Variants in ABCG1 observed in about 807,000 individuals in gnomAD.
The protein encoded by ABCG1 is ATP-binding cassette sub-family G member 1.
Under a neutral mutation model 69.2 loss-of-function variants are expected in ABCG1, and 29 were observed. The observed-to-expected ratio is 0.42, with a 90% CI of 0.31 to 0.57. The LOEUF (loss-of-function observed/expected upper bound fraction) is 0.57. Among genes scored for constraint, ABCG1 ranks in the 20% least tolerant of loss-of-function variants. The probability of loss-of-function intolerance (pLI) is 0.15; values close to 1 mark genes in which losing one functional copy is unlikely to be tolerated. For synonymous variants in ABCG1, 370 were observed against 374.8 expected, an observed-to-expected ratio of 0.99 and a Z score of 0.15; for missense variants, 718 against 898.1, an observed-to-expected ratio of 0.80 and a Z score of 2.56.
At chr21:42,218,838 C>G (rs1376296204), upstream of ABCG1, among the ~76,000 whole-genome samples, 3 of 152,194 alleles carry the variant, frequency 2.0e-5, no homozygotes, top group Non-Finnish European at 4.4e-5. Flanking sequence ...CAGTGGATTT[C>G]CGAGCCTGGG....
At chr21:42,215,667 A>C (rs2067631931), upstream of ABCG1, among the ~76,000 whole-genome samples, 1 of 151,962 alleles carries the variant, frequency 6.6e-6, no homozygotes, top group African/African-American at 2.4e-5. Context: ...CGAGAAGGGG[A>C]AAGTGGGACA....
At chr21:42,245,148 A>G (rs1436614244) in intron 2 of ABCG1, among the ~76,000 whole-genome samples, 1 of 152,196 alleles carries the variant, frequency 6.6e-6, no homozygotes, top group Non-Finnish European at 1.5e-5. Flanking sequence ...CCTCCAGTGA[A>G]TCTAGACACC....
At chr21:42,233,893 G>A (rs1052634932) in intron 2 of ABCG1, among the ~76,000 whole-genome samples, 1 of 152,220 alleles carries the variant, frequency 6.6e-6, no homozygotes, top group Non-Finnish European at 1.5e-5. Flanking sequence ...AGGCAACTTG[G>A]TGCCTTCCAA....
At chr21:42,206,034 G>T (rs1455805255) in intron 2 of ABCG1, among the ~76,000 whole-genome samples, 1 of 151,996 alleles carries the variant, frequency 6.6e-6, no homozygotes, top group East Asian at 1.9e-4. Context: ...TCCTGTTATT[G>T]ATTTCTAATT....
chr21:42,257,127 A>T (rs576767708), intron 2 of ABCG1, among the ~76,000 whole-genome samples: 1 of 152,250 alleles, frequency 6.6e-6, no homozygotes. Flanking sequence ...GAAGAAAACA[A>T]ATTTTAAAAA....
In ABCG1 at chr21:42,254,918, G is replaced by T. The variant is rs1351302759; in HGVS notation, c.287-16152G>T. On this transcript the variant is annotated intron_variant, in intron 2 of 14. Transcript: ENST00000398449. Reference sequence around the variant, plus strand: ...ATGTTGGCATCCAAAGAAAAATCACGGCTTTGGGTGGGGAAACTGGGTCCT... The same window carrying T: ...ATGTTGGCATCCAAAGAAAAATCACTGCTTTGGGTGGGGAAACTGGGTCCT... 3.3e-5 allele frequency among the ~76,000 whole-genome samples: 5 copies of T among 152,184 alleles called. 1 individual carries two copies. Among genetic ancestry groups the T allele is most frequent in the Admixed American group, 1.3e-4 (2 of 15,282 alleles).
intron 2 of ABCG1, among the ~76,000 whole-genome samples, chr21:42,236,847 G>A (rs1042399081): frequency 1.3e-5 from 2 of 152,182 alleles, no homozygotes; most frequent in Non-Finnish European, 1.5e-5. Flanking sequence ...ACTAACATGA[G>A]AATGTACTCT....
chr21:42,282,867 A>G (rs1258546551), intron 6 of ABCG1, among the ~76,000 whole-genome samples: 1 of 152,004 alleles, frequency 6.6e-6, no homozygotes, highest in Non-Finnish European at 1.5e-5. Flanking sequence ...CTCTATACCC[A>G]CGGGCGCTCT....
intron 2 of ABCG1, among the ~76,000 whole-genome samples, chr21:42,266,277 G>T (rs2068503785): frequency 6.6e-6 from 1 of 151,598 alleles, no homozygotes; most frequent in Non-Finnish European, 1.5e-5. Flanking sequence ...CTCCAGCCTG[G>T]GTGACAGAGC....
chr21:42,264,606 A>T (rs1314752820), intron 2 of ABCG1, among the ~76,000 whole-genome samples: 1 of 152,176 alleles, frequency 6.6e-6, no homozygotes, highest in Non-Finnish European at 1.5e-5. Context: ...TAGAGATGGA[A>T]AGGTGAGGTT....
At chr21:42,292,822 CCA>C (rs1266900469) in intron 13 of ABCG1, among the ~76,000 whole-genome samples, 11 of 147,504 alleles carry the variant, frequency 7.5e-5, no homozygotes, top group Non-Finnish European at 1.3e-4. Flanking sequence ...ACAGTACACA[CCA>C]CACACACTAC....
At chr21:42,226,040 C>G in intron 2 of ABCG1, 126 bp downstream of exon 2, 1 of 1,117,720 alleles carries the variant, frequency 8.9e-7, no homozygotes, top group Non-Finnish European at 1.3e-6. Flanking sequence ...GCCGTCACTG[C>G]TGTGGTCAAT....
chr21:42,286,088 C>A, intron 8 of ABCG1, 94 bp downstream of exon 8: 1 of 819,376 alleles, frequency 1.2e-6, no homozygotes, highest in Non-Finnish European at 2.1e-6. Context: ...TCAGAAACCA[C>A]TTGACTACCA....
chr21:42,240,219 T>C (rs887645708), intron 2 of ABCG1, among the ~76,000 whole-genome samples: 3 of 152,308 alleles, frequency 2.0e-5, no homozygotes, highest in East Asian at 1.9e-4. Flanking sequence ...ACTGCTTCCA[T>C]GTTATCAGTG....
At chr21:42,231,401 C>A (rs1340507137) in intron 2 of ABCG1, among the ~76,000 whole-genome samples, 6 of 152,238 alleles carry the variant, frequency 3.9e-5, no homozygotes, top group African/African-American at 1.2e-4. Context: ...ACCCTCCAGG[C>A]TCATCCTTGC....
At chr21:42,265,861 A>C (rs1321229997) in intron 2 of ABCG1, among the ~76,000 whole-genome samples, 1 of 152,094 alleles carries the variant, frequency 6.6e-6, no homozygotes, top group African/African-American at 2.4e-5. Flanking sequence ...CCCCTTAGTG[A>C]GGCAGCCCCC....
chr21:42,212,117 C>T (rs2067595270), upstream of ABCG1, among the ~76,000 whole-genome samples: 1 of 152,100 alleles, frequency 6.6e-6, no homozygotes, highest in South Asian at 2.1e-4. Flanking sequence ...TTTGGACTTC[C>T]CAGCCTCTAG....
intron 2 of ABCG1, among the ~76,000 whole-genome samples, chr21:42,238,620 G>A (rs971929585): frequency 2.0e-5 from 3 of 152,192 alleles, no homozygotes; most frequent in African/African-American, 7.2e-5. Context: ...CTACATTTGT[G>A]AGTTACTGGA....
chr21:42,239,835 C>T (rs984774480), intron 2 of ABCG1, among the ~76,000 whole-genome samples: 1 of 152,254 alleles, frequency 6.6e-6, no homozygotes, highest in Admixed American at 6.5e-5. Context: ...GTCGTAGATG[C>T]TCACATCACT....
Sources: gnomAD v4.1 joint callset for allele counts (sites outside exome capture counted in the v4.1 genomes callset) on GRCh38, gnomAD v4.1.1 for gene constraint, MANE v1.5 for transcripts, NCBI Gene and HGNC (gene_info 2026-07-23, HGNC 2026-07-21) for gene names.